GLOD4: variants seen among roughly 807,000 people sequenced by gnomAD.
GLOD4 encodes the protein glyoxalase domain containing 4.
GLOD4 carries 44 observed loss-of-function variants against 39.1 expected under a neutral mutation model. The ratio of observed to expected loss-of-function variants is 1.13; its 90% confidence interval spans 0.88 to 1.45. GLOD4 has a LOEUF of 1.45. Among genes scored for constraint, GLOD4 ranks in the 40% most tolerant of loss-of-function variants. The pLI is 0.00. For synonymous variants in GLOD4, 145 were observed against 135.0 expected, an observed-to-expected ratio of 1.07 and a Z score of -0.52; for missense variants, 405 against 366.4, an observed-to-expected ratio of 1.11 and a Z score of -0.86.
chr17:769,550 C>G (rs1441175513), intron 8 of GLOD4, among the ~76,000 whole-genome samples: 1 of 135,148 alleles, frequency 7.4e-6, no homozygotes, highest in Non-Finnish European at 1.6e-5. Flanking sequence ...CTGAGGGGGT[C>G]GGATGGAGGC....
chr17:775,074 A>G (rs1908661107), intron 4 of GLOD4, among the ~76,000 whole-genome samples: 1 of 151,374 alleles, frequency 6.6e-6, no homozygotes, highest in Non-Finnish European at 1.5e-5. Context: ...CGTCTCAAAA[A>G]ACAAATAATT....
intron 8 of GLOD4, among the ~76,000 whole-genome samples, chr17:765,549 G>T (rs1390367606): frequency 6.6e-6 from 1 of 150,684 alleles, no homozygotes; most frequent in Non-Finnish European, 1.5e-5. Flanking sequence ...TGGTAGGATG[G>T]CCAGGCGCAG....
intron 8 of GLOD4, among the ~76,000 whole-genome samples, chr17:767,958 C>T (rs1906991385): frequency 1.4e-5 from 2 of 141,292 alleles, no homozygotes; most frequent in Non-Finnish European, 3.0e-5. Flanking sequence ...AGAGAAACAG[C>T]GCGCACTCAG....
At chr17:777,302 G>T (rs1909124212) in intron 2 of GLOD4, 1 of 357,716 alleles carries the variant, frequency 2.8e-6, no homozygotes, top group African/African-American at 2.1e-5. Context: ...CAACAAGCAT[G>T]AAATTCCTAA....
chr17:763,763 C>T (rs536742370), intron 8 of GLOD4: 8 of 152,218 alleles, frequency 5.3e-5, no homozygotes, highest in South Asian at 4.1e-4. Flanking sequence ...GTTATGGACA[C>T]GCTGAGTCTG....
upstream of GLOD4, among the ~76,000 whole-genome samples, chr17:785,617 C>T (rs750076152): frequency 1.3e-5 from 2 of 152,192 alleles, no homozygotes; most frequent in Non-Finnish European, 2.9e-5. Flanking sequence ...AGCGTGAGGC[C>T]TTGGAAGTGA....
intron 8 of GLOD4, among the ~76,000 whole-genome samples, chr17:761,840 A>G (rs898445282): frequency 6.6e-6 from 1 of 152,168 alleles, no homozygotes; most frequent in African/African-American, 2.4e-5. Flanking sequence ...AAGGACAAGT[A>G]AAAGAGGAGA....
intron 5 of GLOD4, 200 bp from the exon 6 acceptor site, chr17:770,707 A>T (rs1277844482): frequency 1.5e-5 from 6 of 396,710 alleles, no homozygotes; most frequent in African/African-American, 8.5e-5. Context: ...TTTTTTTTTT[A>T]CACAAATGGT....
intron 4 of GLOD4, among the ~76,000 whole-genome samples, chr17:773,912 C>T (rs1908438705): frequency 6.6e-6 from 1 of 152,160 alleles, no homozygotes; most frequent in African/African-American, 2.4e-5. Flanking sequence ...AAGATGAATG[C>T]CAGCCGGACA....
chr17:764,049 AAT>A (rs1478582587), intron 8 of GLOD4: 2 of 152,264 alleles, frequency 1.3e-5, no homozygotes, highest in African/African-American at 4.8e-5. Flanking sequence ...TTCATCATGA[AAT>A]ATTAAAAATT....
At chr17:768,273 T>A (rs28369592) in intron 8 of GLOD4, among the ~76,000 whole-genome samples, 1 of 96,054 alleles carries the variant, frequency 1.0e-5, no homozygotes, top group South Asian at 3.5e-4. Flanking sequence ...CTGGAGAGGA[T>A]GTGAGAGAGA....
intron 2 of GLOD4, 28 bp downstream of exon 2, chr17:778,667 G>C (rs772514671): frequency 7.5e-7 from 1 of 1,334,568 alleles, no homozygotes; most frequent in Non-Finnish European, 1.1e-6. Flanking sequence ...AGAGCCTAAA[G>C]GAGATTTTAA....
upstream of GLOD4, among the ~76,000 whole-genome samples, chr17:782,861 G>T (rs1910222169): frequency 1.3e-5 from 2 of 152,192 alleles, no homozygotes; most frequent in Admixed American, 1.3e-4. Context: ...TTTCTCCTTA[G>T]CTCTTTGTTG....
rs530695699 is a variant in GLOD4, at chr17:759,942, C to T, written c.*231G>A. On this transcript the variant is annotated 3_prime_UTR_variant, in exon 9 of 9. Coordinates refer to ENST00000301329, the MANE Select transcript of GLOD4 (RefSeq NM_016080.4). Reference sequence around the variant, plus strand: ...CACAGTTATATACAGAATGCGCAGTCCCAGCAACAGTGTAGATTACAGCAG... The same window carrying T: ...CACAGTTATATACAGAATGCGCAGTTCCAGCAACAGTGTAGATTACAGCAG... 2.0e-5 allele frequency: 11 copies of T among 546,186 alleles called. No individual in the cohort carries two copies. Among genetic ancestry groups the T allele is most frequent in the Admixed American group, 1.3e-4 (4 of 29,834 alleles). 33.8% of individuals were successfully genotyped at this position (546,186 alleles called of 1,614,324 possible).
At chr17:765,789 A>T (rs1906427131) in intron 8 of GLOD4, among the ~76,000 whole-genome samples, 1 of 151,712 alleles carries the variant, frequency 6.6e-6, no homozygotes. Context: ...TCTCTACTAA[A>T]AATACAAAAA....
At chr17:770,947 T>C (rs1040870386) in intron 5 of GLOD4, 3 of 204,364 alleles carry the variant, frequency 1.5e-5, no homozygotes, top group African/African-American at 2.3e-5. Context: ...TTTGTGCCGA[T>C]GTATGTTGAG....
At chr17:773,102 T>G (rs1019668747) in intron 4 of GLOD4, among the ~76,000 whole-genome samples, 2 of 152,184 alleles carry the variant, frequency 1.3e-5, no homozygotes. Flanking sequence ...AAGTTGGCAG[T>G]GTTAACTGTG....
chr17:764,717 A>G (rs1906136013), intron 8 of GLOD4: 1 of 152,186 alleles, frequency 6.6e-6, no homozygotes, highest in South Asian at 2.1e-4. Flanking sequence ...TCTCAAAACC[A>G]TGTTGAGTAG....
At chr17:767,343 T>A (rs186350447) in intron 8 of GLOD4, among the ~76,000 whole-genome samples, 43 of 152,334 alleles carry the variant, frequency 2.8e-4, no homozygotes, top group Non-Finnish European at 1.8e-4. Flanking sequence ...CTGAGTTTGA[T>A]GAGAATCTAA....
Sources: allele counts gnomAD v4.1 joint callset (sites outside exome capture counted in the v4.1 genomes callset), GRCh38; gene constraint gnomAD v4.1.1; transcripts MANE v1.5; gene names NCBI Gene and HGNC (gene_info 2026-07-23, HGNC 2026-07-21).